The following HTRA1 variants were observed in gnomAD, a reference collection of about 807,000 sequenced individuals.
The protein encoded by HTRA1 is serine protease HTRA1.
A neutral mutation model predicts 49.7 loss-of-function variants in HTRA1; 26 were observed. That is an observed-to-expected ratio of 0.52 (90% CI 0.38 to 0.73). The LOEUF is 0.73. Ranked by LOEUF, HTRA1 falls within the 30% of genes least tolerant of loss-of-function variation. The pLI, the probability that HTRA1 is intolerant of heterozygous loss-of-function variation, is 0.00. For synonymous variants in HTRA1, 291 were observed against 286.9 expected, an observed-to-expected ratio of 1.01 and a Z score of -0.14; for missense variants, 561 against 667.2, an observed-to-expected ratio of 0.84 and a Z score of 1.75.
intron 1 of HTRA1, among the ~76,000 whole-genome samples, chr10:122,474,233 T>C (rs1733526841): frequency 6.6e-6 from 1 of 152,232 alleles, no homozygotes; most frequent in Non-Finnish European, 1.5e-5. Context: ...CCCCCTCATC[T>C]TACCACTGAG....
chr10:122,462,268 G>A, intron 1 of HTRA1, 144 bp downstream of exon 1: 4 of 751,246 alleles, frequency 5.3e-6, no homozygotes, highest in East Asian at 5.8e-5. Flanking sequence ...GGTGGGCCCC[G>A]GGGTGGCGGA....
At chr10:122,483,772 A>G (rs2097492010) in intron 1 of HTRA1, among the ~76,000 whole-genome samples, 1 of 152,198 alleles carries the variant, frequency 6.6e-6, no homozygotes, top group Admixed American at 6.5e-5. Context: ...GTAGCTTTCA[A>G]TGTACAGATC....
At chr10:122,501,135 C>A (rs754688789) in intron 3 of HTRA1, among the ~76,000 whole-genome samples, 1 of 152,190 alleles carries the variant, frequency 6.6e-6, no homozygotes. Context: ...ATCAGCAGAA[C>A]GGCTATGAAG....
At chr10:122,504,709 G>A (rs901695835) in intron 3 of HTRA1, among the ~76,000 whole-genome samples, 3 of 152,336 alleles carry the variant, frequency 2.0e-5, no homozygotes, top group East Asian at 3.9e-4. Context: ...CTCCTGCCCC[G>A]CCTGCACGCC....
chr10:122,488,869 C>T (rs750382225), intron 1 of HTRA1, 33 bp from the exon 2 acceptor site: 2 of 1,531,354 alleles, frequency 1.3e-6, no homozygotes, highest in Non-Finnish European at 1.8e-6. Flanking sequence ...AGCAGAGTGT[C>T]ATTAAGTATC....
intron 1 of HTRA1, among the ~76,000 whole-genome samples, chr10:122,467,487 G>A (rs891602723): frequency 6.6e-6 from 1 of 152,186 alleles, no homozygotes; most frequent in African/African-American, 2.4e-5. Flanking sequence ...AGCCTGGGGA[G>A]GCTTCCTTAT....
chr10:122,508,904 G>A (rs2133451042), intron 6 of HTRA1, 134 bp downstream of exon 6: 1 of 676,328 alleles, frequency 1.5e-6, no homozygotes, highest in South Asian at 1.6e-5. Flanking sequence ...AAGTGAACGG[G>A]AATGCACATT....
intron 6 of HTRA1, among the ~76,000 whole-genome samples, chr10:122,509,550 G>C (rs1345058490): frequency 1.3e-5 from 2 of 152,230 alleles, no homozygotes; most frequent in African/African-American, 4.8e-5. Context: ...GGGGTGGAAA[G>C]AGGCCAAGGC....
intron 1 of HTRA1, among the ~76,000 whole-genome samples, chr10:122,484,289 G>A (rs1171020248): frequency 6.6e-6 from 1 of 152,154 alleles, no homozygotes; most frequent in Non-Finnish European, 1.5e-5. Context: ...GAGCTCACCT[G>A]GGCTGCAGTT....
chr10:122,497,327 C>T (rs1020758033), intron 3 of HTRA1, among the ~76,000 whole-genome samples: 2 of 152,034 alleles, frequency 1.3e-5, no homozygotes, highest in African/African-American at 4.8e-5. Flanking sequence ...GTTCATTGAC[C>T]ATATCAAATT....
intron 3 of HTRA1, among the ~76,000 whole-genome samples, chr10:122,504,083 G>C (rs561105228): frequency 1.2e-3 from 177 of 152,222 alleles, no homozygotes; most frequent in African/African-American, 4.2e-3. Flanking sequence ...CCCCATTTTC[G>C]GCAGCAGGCA....
intron 3 of HTRA1, among the ~76,000 whole-genome samples, chr10:122,499,747 T>C (rs2097500163): frequency 1.3e-5 from 2 of 152,214 alleles, no homozygotes; most frequent in Non-Finnish European, 2.9e-5. Context: ...ATGTGCTATT[T>C]TGTCCATTGC....
chr10:122,471,772 C>G (rs1012962685), intron 1 of HTRA1, among the ~76,000 whole-genome samples: 2 of 152,144 alleles, frequency 1.3e-5, no homozygotes, highest in Admixed American at 1.3e-4. Context: ...TTGAGCCCTC[C>G]GCATCTCAGC....
intron 1 of HTRA1, among the ~76,000 whole-genome samples, chr10:122,480,815 A>G (rs915787838): frequency 6.6e-6 from 1 of 152,172 alleles, no homozygotes; most frequent in South Asian, 2.1e-4. Context: ...CAAGAAAAAC[A>G]CCCCTCAAAA....
At chr10:122,477,748 C>A (rs1413077027) in intron 1 of HTRA1, among the ~76,000 whole-genome samples, 2 of 152,188 alleles carry the variant, frequency 1.3e-5, no homozygotes, top group Non-Finnish European at 2.9e-5. Context: ...CTGTCTCCTG[C>A]ACGGTTACTT....
rs1219961072 is a variant in HTRA1, at chr10:122,461,928, CT to C, written c.278del (p.Phe93SerfsTer122). On this transcript the variant is annotated frameshift_variant, in exon 1 of 9. Coordinates refer to ENST00000368984, the MANE Select transcript of HTRA1 (RefSeq NM_002775.5). LOFTEE classifies it high-confidence loss of function. Reference sequence around the variant, plus strand: ...GCGAGGGGCTGCAGTGCGTGGTGCCCTTCGGGGTGCCAGCCTCGGCCACGGT... The same window carrying C: ...GCGAGGGGCTGCAGTGCGTGGTGCCCTCGGGGTGCCAGCCTCGGCCACGGT... ...CGEGLQCVVP[F>X]GVPASATVRR... 1 of 1,480,604 alleles carries C rather than the reference CT, an allele frequency of 6.8e-7. No individual in the cohort carries two copies. 91.7% of individuals were successfully genotyped at this position (1,480,604 alleles called of 1,614,324 possible). A position where few individuals can be genotyped will look rare whatever the true frequency, so the allele number is the denominator to read the frequency against.
At chr10:122,513,889 G>A (rs189927776) in intron 8 of HTRA1, among the ~76,000 whole-genome samples, 17 of 125,254 alleles carry the variant, frequency 1.4e-4, no homozygotes, top group Admixed American at 8.5e-4. Context: ...CACCAAACCT[G>A]GCTCTTTTTT....
rs999320792 is a variant in HTRA1, at chr10:122,514,804, C to T, written c.*445C>T. The stretch of plus-strand genomic sequence containing the variant: ...TGCACAGAGACCCCGGGTGGGTGAG[C>T]GCTGGCTTCTCAAACGGCCGAAGTT... On this transcript the variant is annotated 3_prime_UTR_variant, in exon 9 of 9. Transcript: ENST00000368984. 5.4e-5 allele frequency: 11 copies of T among 203,214 alleles called. No homozygotes were observed. Among genetic ancestry groups the T allele is most frequent in the Non-Finnish European group, 7.1e-5 (7 of 98,832 alleles). 12.6% of individuals were successfully genotyped at this position (203,214 alleles called of 1,614,324 possible).
chr10:122,488,435 G>T (rs982329335), intron 1 of HTRA1, among the ~76,000 whole-genome samples: 4 of 152,164 alleles, frequency 2.6e-5, no homozygotes, highest in African/African-American at 4.8e-5. Context: ...GGTGGTGGGT[G>T]CCTGTAATCC....
Sources: gnomAD v4.1 joint callset for allele counts (sites outside exome capture counted in the v4.1 genomes callset) on GRCh38, gnomAD v4.1.1 for gene constraint, MANE v1.5 for transcripts, NCBI Gene and HGNC (gene_info 2026-07-23, HGNC 2026-07-21) for gene names.